TRIO: variants seen among roughly 807,000 people sequenced by gnomAD.
TRIO encodes trio Rho guanine nucleotide exchange factor.
TRIO carries 58 observed loss-of-function variants against 351.9 expected under a neutral mutation model. That is an observed-to-expected ratio of 0.16 (90% CI 0.13 to 0.21). TRIO has a LOEUF of 0.21. Among genes scored for constraint, TRIO ranks in the 10% least tolerant of loss-of-function variants. The pLI, the probability that TRIO is intolerant of heterozygous loss-of-function variation, is 1.00. For missense variants in TRIO, 3,201 were observed against 4,027.8 expected (o/e 0.79, Z 5.56); for synonymous variants, 1,758 against 1,595.7 (o/e 1.10, Z -2.42).
At chr5:14,201,178 T>G (rs1422698408) in intron 1 of TRIO, among the ~76,000 whole-genome samples, 1 of 152,104 alleles carries the variant, frequency 6.6e-6, no homozygotes, top group Non-Finnish European at 1.5e-5. Flanking sequence ...GAGAATCGCT[T>G]GAACCCGGGA....
At chr5:14,218,469 C>CT (rs1185391540) in intron 1 of TRIO, among the ~76,000 whole-genome samples, 1 of 152,212 alleles carries the variant, frequency 6.6e-6, no homozygotes, top group African/African-American at 2.4e-5. Context: ...AGCTGAGTCT[C>CT]TAAGAGTCAA....
intron 33 of TRIO, 142 bp downstream of exon 33, chr5:14,406,814 G>C (rs936369974): frequency 1.3e-6 from 1 of 767,050 alleles, no homozygotes. Context: ...CCAGGATCCC[G>C]TGGTGGGGCA....
At chr5:14,193,899 G>C (rs971181801) in intron 1 of TRIO, among the ~76,000 whole-genome samples, 2 of 53,310 alleles carry the variant, frequency 3.8e-5, no homozygotes, top group African/African-American at 6.8e-5. Flanking sequence ...CTGTGTGTTC[G>C]TGTGCCTGGT....
At chr5:14,180,329 T>C (rs958932295) in intron 1 of TRIO, among the ~76,000 whole-genome samples, 1 of 152,100 alleles carries the variant, frequency 6.6e-6, no homozygotes, top group Non-Finnish European at 1.5e-5. Context: ...TTGAAGGTAA[T>C]GGGACAAAAG....
rs902749986 is a variant in TRIO at position 14,286,758 on chromosome 5, C to T, written c.348-113C>T. On this transcript the variant is annotated intron_variant, in intron 3 of 56. Transcript: ENST00000344204. The surrounding 1 kb of genome is among the most constrained non-coding windows in gnomAD (Gnocchi z 4.4). ...CACAGTGTGCTCCTTCCCCTGCCTC[C>T]GCACGTGTCCAGCAGGGGAGGGAAG... The T allele has an allele frequency of 3.5e-5, 39 of 1,100,034 alleles. No homozygotes were observed. The highest frequency in any genetic ancestry group is 9.8e-5 in the East Asian group (4 of 40,720). 68.1% of individuals were successfully genotyped at this position (1,100,034 alleles called of 1,614,324 possible).
intron 34 of TRIO, among the ~76,000 whole-genome samples, chr5:14,433,518 G>GA (rs1275577612): frequency 6.6e-6 from 1 of 152,214 alleles, no homozygotes; most frequent in Non-Finnish European, 1.5e-5. Context: ...GTGCAGAGCG[G>GA]AAACGCATGG....
At chr5:14,211,882 TAGAAGGA>T (rs1791925643) in intron 1 of TRIO, among the ~76,000 whole-genome samples, 1 of 150,638 alleles carries the variant, frequency 6.6e-6, no homozygotes, top group Non-Finnish European at 1.5e-5. Flanking sequence ...GAGGCCAAAG[TAGAAGGA>T]TCACTTGAGC....
At chr5:14,326,698 G>C (rs1323594862) in intron 9 of TRIO, among the ~76,000 whole-genome samples, 2 of 152,260 alleles carry the variant, frequency 1.3e-5, no homozygotes, top group Non-Finnish European at 2.9e-5. Flanking sequence ...GTCTGGGAAG[G>C]GGGCGGAGGT....
chr5:14,336,575 G>C lies in TRIO; in HGVS notation c.1894G>C (p.Glu632Gln). The change falls in exon 11 of 57, where the codon GAA becomes CAA. Residue 632 changes from glutamate to glutamine, a missense_variant. Glu to Gln is a conservative substitution (Grantham distance 29). Coordinates refer to ENST00000344204, the MANE Select transcript of TRIO (RefSeq NM_007118.4). ...TGCGGATAAATTACTGGAAGCAGCA[G>C]AACAGCTGGCTCAGACTGGGGAATG... ...TNADKLLEAA[E>Q]QLAQTGECDP... The C allele has an allele frequency of 6.2e-7, 1 of 1,614,200 alleles. No homozygotes were observed. The highest frequency in any genetic ancestry group is 1.3e-5 in the African/African-American group (1 of 75,026).
intron 1 of TRIO, among the ~76,000 whole-genome samples, chr5:14,233,581 T>C (rs986734155): frequency 6.6e-6 from 1 of 152,094 alleles, no homozygotes; most frequent in Admixed American, 6.5e-5. Flanking sequence ...TATTATCTTA[T>C]TAATACATAC....
At chr5:14,369,251 C>A in intron 17 of TRIO, 123 bp from the exon 18 acceptor site, 1 of 1,389,724 alleles carries the variant, frequency 7.2e-7, no homozygotes, top group African/African-American at 1.4e-5. Flanking sequence ...ATGGCTCCTT[C>A]TTATGGTCTT....
At chr5:14,265,502 T>C (rs1795622153) in intron 1 of TRIO, among the ~76,000 whole-genome samples, 1 of 152,218 alleles carries the variant, frequency 6.6e-6, no homozygotes, top group Non-Finnish European at 1.5e-5. Flanking sequence ...AAAATACCAT[T>C]TTTAACATAA....
intron 36 of TRIO, 41 bp downstream of exon 36, chr5:14,462,966 CAGG>C (rs1220866753): frequency 2.4e-5 from 37 of 1,520,976 alleles, no homozygotes; most frequent in Non-Finnish European, 3.3e-5. Context: ...GCCTGCCGTG[CAGG>C]GGCAGGGCAC....
intron 29 of TRIO, chr5:14,397,390 T>G (rs1299950111): frequency 2.3e-6 from 1 of 439,532 alleles, no homozygotes; most frequent in Non-Finnish European, 4.1e-6. Context: ...CACTCTGGAC[T>G]CCAATAGCAC....
At chr5:14,412,433 A>G (rs1455054128) in intron 33 of TRIO, among the ~76,000 whole-genome samples, 1 of 152,264 alleles carries the variant, frequency 6.6e-6, no homozygotes, top group East Asian at 1.9e-4. Flanking sequence ...ATTTTGAAAT[A>G]TGGCCTAATT....
intron 11 of TRIO, among the ~76,000 whole-genome samples, chr5:14,344,340 G>A (rs78696664): frequency 0.022 from 3,276 of 151,894 alleles, 143 homozygotes; most frequent in African/African-American, 0.075. Flanking sequence ...CCCATTGGTG[G>A]GAATATCCAA....
At chr5:14,264,092 TG>T (rs1795508884) in intron 1 of TRIO, among the ~76,000 whole-genome samples, 1 of 152,208 alleles carries the variant, frequency 6.6e-6, no homozygotes, top group African/African-American at 2.4e-5. Flanking sequence ...TAACTTCCAT[TG>T]CACAATTAAT....
At chr5:14,439,867 G>C (rs1394977859) in intron 34 of TRIO, among the ~76,000 whole-genome samples, 1 of 152,174 alleles carries the variant, frequency 6.6e-6, no homozygotes, top group African/African-American at 2.4e-5. Flanking sequence ...GAGCGCCTGA[G>C]ACAGTTTTCT....
rs1756094536 is a variant in TRIO at position 14,487,928 on chromosome 5, GCCAAGGACGCGCGCGCT to G, written c.7301_7317del (p.Ala2434GlufsTer85). ...CTCGGGGTCGAGCCCAGACGCCCCC[GCCAAGGACGCGCGCGCT>G]AGCCTGGGCACCCTGCCGCTTGGGA... On this transcript the variant is annotated frameshift_variant, in exon 48 of 57. Transcript: ENST00000344204. LOFTEE classifies it high-confidence loss of function. 1 of 1,539,440 alleles carries G rather than the reference GCCAAGGACGCGCGCGCT, an allele frequency of 6.5e-7. No individual in the cohort carries two copies. The highest frequency in any genetic ancestry group is 8.7e-7 in the Non-Finnish European group (1 of 1,143,470).
Sources: allele counts gnomAD v4.1 joint callset (sites outside exome capture counted in the v4.1 genomes callset), GRCh38; gene constraint gnomAD v4.1.1; non-coding constraint Gnocchi (gnomAD v3.1); transcripts MANE v1.5; gene names NCBI Gene and HGNC (gene_info 2026-07-23, HGNC 2026-07-21).